The following MMP27 variants were observed in gnomAD, a reference collection of about 807,000 sequenced individuals.
MMP27 encodes the protein matrix metallopeptidase 27, also known as matrix metalloproteinase-27.
A neutral mutation model predicts 48.1 loss-of-function variants in MMP27; 51 were observed. That is an observed-to-expected ratio of 1.06 (90% CI 0.85 to 1.34). The LOEUF is 1.34. MMP27 is among the 40% of genes most tolerant of loss of function. MMP27 has a pLI of 0.00. For synonymous variants in MMP27, 229 were observed against 208.9 expected (o/e 1.10, Z -0.83); for missense variants, 698 against 619.3 (o/e 1.13, Z -1.35).
chr11:102,698,617 G>C (rs1176055983), intron 4 of MMP27, among the ~76,000 whole-genome samples: 1 of 152,114 alleles, frequency 6.6e-6, no homozygotes, highest in Non-Finnish European at 1.5e-5. Flanking sequence ...CCATGGTCTA[G>C]TCCCTGCCTA....
In MMP27 at chr11:102,702,817, A is replaced by G. The variant is rs1187294695; in HGVS notation, c.555T>C (p.Pro185=). Residue 185 remains proline (P), a synonymous_variant, in exon 4 of 10, where the codon CCT becomes CCC. Coordinates refer to ENST00000260229, the MANE Select transcript of MMP27 (RefSeq NM_022122.3). ...PLGVLGHAFP[P]GPGLGGDTHF... ...GAGTGTCACCACCCAGACCCGGACC[A>G]GGAGGAAAGGCATGGCCAAGCACTC... The G allele has an allele frequency of 1.2e-6, 2 of 1,614,068 alleles. No individual in the cohort carries two copies. The highest frequency in any genetic ancestry group is 3.3e-5 in the Admixed American group (2 of 60,000).
At chr11:102,702,485 C>A (rs561219787) in intron 4 of MMP27, among the ~76,000 whole-genome samples, 1 of 152,336 alleles carries the variant, frequency 6.6e-6, no homozygotes, top group South Asian at 2.1e-4. Flanking sequence ...GTCCATAGGA[C>A]ACCTTGTATA....
rs141611002 is a variant in MMP27, at chr11:102,691,993, G to A, written c.1315C>T (p.Arg439Cys). 1.5e-5 allele frequency: 24 copies of A among 1,602,254 alleles called. No individual in the cohort carries two copies. Among genetic ancestry groups the A allele is most frequent in the South Asian group, 1.2e-4 (11 of 89,056 alleles). ...FQYKGFFFFSRGSKQFEYDIK... is the reference protein window; with the variant it reads ...FQYKGFFFFSCGSKQFEYDIK... Reference sequence around the variant, plus strand: ...TCGTATTCAAATTGCTTTGATCCACGGCTGAAAAAGAAGAATCCTAGAGAC... The same window carrying A: ...TCGTATTCAAATTGCTTTGATCCACAGCTGAAAAAGAAGAATCCTAGAGAC... The change falls in exon 10 of 10, where the codon CGT (arginine) becomes TGT (cysteine). Residue 439 changes from arginine to cysteine, a missense_variant. Physicochemically the swap from Arg to Cys is radical, Grantham distance 180. Transcript: ENST00000260229.
chr11:102,705,576 T>A (rs747515310), intron 1 of MMP27, 37 bp downstream of exon 1: 18 of 1,303,828 alleles, frequency 1.4e-5, no homozygotes, highest in African/African-American at 1.2e-4. Context: ...ATAAGCTTTT[T>A]ATCAATAGTC....
At chr11:102,697,033 G>C (rs1265493263) in intron 4 of MMP27, among the ~76,000 whole-genome samples, 198 bp from the exon 5 acceptor site, 1 of 152,316 alleles carries the variant, frequency 6.6e-6, no homozygotes, top group East Asian at 1.9e-4. Context: ...GATATGTTCT[G>C]AGAAATGCAT....
intron 4 of MMP27, among the ~76,000 whole-genome samples, chr11:102,698,079 T>C (rs560563211): frequency 9.2e-5 from 14 of 152,302 alleles, no homozygotes; most frequent in Admixed American, 2.0e-4. Flanking sequence ...TTCTTTCTTT[T>C]TTTTTGTACA....
intron 4 of MMP27, among the ~76,000 whole-genome samples, chr11:102,698,576 G>A (rs1417980104): frequency 6.6e-6 from 1 of 152,110 alleles, no homozygotes; most frequent in Non-Finnish European, 1.5e-5. Context: ...TATTGCTATA[G>A]GATAAAGTCC....
chr11:102,695,015 G>T lies in MMP27; in HGVS notation c.985C>A (p.Leu329Met). The T allele has an allele frequency of 6.2e-7, 1 of 1,614,008 alleles. No individual in the cohort carries two copies. The change falls in exon 7 of 10, where the codon CTG (leucine) becomes ATG (methionine). Residue 329 changes from leucine (L) to methionine (M), a missense_variant. Leu to Met is a conservative substitution (Grantham distance 15, BLOSUM62 2). Coordinates refer to ENST00000260229, the MANE Select transcript of MMP27 (RefSeq NM_022122.3). ...ASFWPSLPAD[L>M]QAAYENPRDK... is the part of the protein sequence containing the mutation. ...CTGGGGTTCTCGTATGCAGCTTGCA[G>T]ATCAGCTGGCAGAGATGGCCAGAAT...
intron 4 of MMP27, 38 bp from the exon 5 acceptor site, chr11:102,696,873 A>T (rs1477158607): frequency 6.3e-7 from 1 of 1,583,266 alleles, no homozygotes; most frequent in African/African-American, 1.4e-5. Context: ...ACATGACTTA[A>T]TCAAAAAGAG....
At chr11:102,695,157 G>A in intron 6 of MMP27, 60 bp from the exon 7 acceptor site, 3 of 1,571,292 alleles carry the variant, frequency 1.9e-6, no homozygotes, top group Non-Finnish European at 2.6e-6. Flanking sequence ...TGAGAATTTT[G>A]TAATCTTAGG....
intron 2 of MMP27, among the ~76,000 whole-genome samples, chr11:102,704,185 T>C (rs1222189242): frequency 6.6e-6 from 1 of 152,202 alleles, no homozygotes; most frequent in African/African-American, 2.4e-5. Context: ...CATTTTCTCT[T>C]GGGCACCCTT....
At chr11:102,695,667 G>A (rs375385084) in intron 6 of MMP27, among the ~76,000 whole-genome samples, 4 of 152,128 alleles carry the variant, frequency 2.6e-5, no homozygotes, top group East Asian at 3.9e-4. Context: ...ATTGTAACGC[G>A]ATATATTCAT....
intron 9 of MMP27, among the ~76,000 whole-genome samples, chr11:102,692,669 C>T (rs1190671655): frequency 1.3e-5 from 2 of 152,106 alleles, no homozygotes; most frequent in African/African-American, 2.4e-5. Context: ...AGTCACTTCG[C>T]ACACTTTAGG....
chr11:102,701,499 G>A (rs1042942557), intron 4 of MMP27, among the ~76,000 whole-genome samples: 2 of 152,188 alleles, frequency 1.3e-5, no homozygotes, highest in African/African-American at 4.8e-5. Context: ...GATATTTCCT[G>A]TAACTGTTTG....
chr11:102,691,877 G>C lies in MMP27; in HGVS notation c.1431C>G (p.Ile477Met). The C allele has an allele frequency of 6.2e-7, 1 of 1,613,410 alleles. No individual in the cohort carries two copies. Among genetic ancestry groups the C allele is most frequent in the Non-Finnish European group, 8.5e-7 (1 of 1,179,702 alleles). Residue 477 changes from isoleucine (I) to methionine (M), a missense_variant, in exon 10 of 10, where the codon ATC (isoleucine) becomes ATG (methionine). Ile to Met is a conservative substitution (Grantham distance 10). Transcript: ENST00000260229. ...EPKNSSFGFD[I>M]NKEKAHSGGI... ...CTCCTGAATGTGCTTTTTCCTTGTT[G>C]ATATCAAAACCAAATGAGGAGTTCT...
intron 1 of MMP27, 79 bp downstream of exon 1, chr11:102,705,534 T>A: frequency 1.1e-6 from 1 of 944,308 alleles, no homozygotes; most frequent in South Asian, 1.8e-5. Flanking sequence ...CAGGAATGTG[T>A]TTTCTTTTTA....
intron 7 of MMP27, among the ~76,000 whole-genome samples, chr11:102,694,432 T>C (rs1176254240): frequency 3.3e-5 from 5 of 152,214 alleles, no homozygotes; most frequent in Non-Finnish European, 7.3e-5. Context: ...AAATGAAGTA[T>C]GTTTGGACAT....
At chr11:102,703,569 C>T (rs982793978) in intron 2 of MMP27, among the ~76,000 whole-genome samples, 2 of 151,992 alleles carry the variant, frequency 1.3e-5, no homozygotes, top group African/African-American at 2.4e-5. Flanking sequence ...GTCCCCCAGG[C>T]TGGAGTGCAG....
In MMP27 at chr11:102,696,659, T is replaced by A. The variant is rs1405564428; in HGVS notation, c.781+15A>T. The A allele has an allele frequency of 1.9e-6, 3 of 1,594,492 alleles. No homozygotes were observed. Among genetic ancestry groups the A allele is most frequent in the Non-Finnish European group, 2.6e-6 (3 of 1,174,370 alleles). On this transcript the variant is annotated intron_variant, in intron 5 of 9. Transcript: ENST00000260229. ...TATTTAGTTCACATATATTGAGATT[T>A]ATAATTTTGCTCACCATAGATGGAC...
Sources: allele counts gnomAD v4.1 joint callset (sites outside exome capture counted in the v4.1 genomes callset), GRCh38; gene constraint gnomAD v4.1.1; transcripts MANE v1.5; gene names NCBI Gene and HGNC (gene_info 2026-07-23, HGNC 2026-07-21).